UNC79: variants seen among roughly 807,000 people sequenced by gnomAD.
UNC79 encodes the protein unc-79 subunit of NALCN channel complex, also known as protein unc-79 homolog.
Under a neutral mutation model 283.1 loss-of-function variants are expected in UNC79, and 37 were observed. That is an observed-to-expected ratio of 0.13 (90% CI 0.10 to 0.17). UNC79 has a LOEUF of 0.17. UNC79 is among the 10% of genes least tolerant of loss of function. The pLI is 1.00. For missense variants in UNC79, 2,272 were observed against 3,211.1 expected (o/e 0.71, Z 7.07); for synonymous variants, 1,107 against 1,200.2 (o/e 0.92, Z 1.61).
Position 93,701,992 on chromosome 14 carries a change from A to G in UNC79, c.7549-2633A>G, listed in dbSNP as rs571810141. 2.6e-5 allele frequency among the ~76,000 whole-genome samples: 4 copies of G among 152,258 alleles called. No individual in the cohort carries two copies. In the South Asian group the frequency reaches 6.2e-4, roughly 24 times the overall value. ...CCCTACTCTTCTCAAGTCCCTCACA[A>G]TTCTTAACAGGAGGTTAGTTTGGGT... On this transcript the variant is annotated intron_variant, in intron 47 of 48. Coordinates refer to ENST00000555664, the Ensembl canonical transcript of UNC79.
intron 7 of UNC79, among the ~76,000 whole-genome samples, chr14:93,515,035 T>TG (rs1406302166): frequency 6.6e-6 from 1 of 152,180 alleles, no homozygotes; most frequent in African/African-American, 2.4e-5. Flanking sequence ...TTTATGCATA[T>TG]TTTTTGTATT....
intron 32 of UNC79, among the ~76,000 whole-genome samples, chr14:93,639,061 T>G (rs1013023349): frequency 3.3e-5 from 5 of 152,218 alleles, no homozygotes; most frequent in African/African-American, 1.2e-4. Flanking sequence ...TCTTGGCATT[T>G]GTATTAGGCA....
At chr14:93,429,728 C>T (rs980468841), upstream of UNC79, among the ~76,000 whole-genome samples, 1 of 92,476 alleles carries the variant, frequency 1.1e-5, no homozygotes, top group Admixed American at 1.2e-4. Flanking sequence ...ACTAAATTAA[C>T]CTGCTATGAC....
intron 1 of UNC79, among the ~76,000 whole-genome samples, chr14:93,368,605 G>A (rs1047840468): frequency 6.6e-6 from 1 of 151,974 alleles, no homozygotes; most frequent in Admixed American, 6.6e-5. Context: ...TGAGTAACTG[G>A]GATTACAGGT....
intron 7 of UNC79, among the ~76,000 whole-genome samples, chr14:93,515,187 C>G (rs1225891396): frequency 1.3e-5 from 2 of 151,746 alleles, no homozygotes; most frequent in African/African-American, 4.8e-5. Context: ...AGTTTTGTAG[C>G]CTTTGACCAA....
intron 38 of UNC79, among the ~76,000 whole-genome samples, chr14:93,656,645 C>T (rs2070969058): frequency 6.6e-6 from 1 of 151,664 alleles, no homozygotes; most frequent in African/African-American, 2.4e-5. Flanking sequence ...CAGAGAGAGA[C>T]TCTGTCTCAA....
At chr14:93,665,950 A>G (rs1285553350) in intron 40 of UNC79, among the ~76,000 whole-genome samples, 1 of 152,120 alleles carries the variant, frequency 6.6e-6, no homozygotes, top group Non-Finnish European at 1.5e-5. Context: ...CAGTGTGAAA[A>G]TCTAAGTGAC....
chr14:93,586,336 A>G (rs1026224143), intron 20 of UNC79, among the ~76,000 whole-genome samples: 2 of 152,234 alleles, frequency 1.3e-5, no homozygotes, highest in Non-Finnish European at 2.9e-5. Flanking sequence ...GGTTAGCTCC[A>G]GGGAGCCAAA....
At chr14:93,659,318 T>C (rs1450211114) in intron 39 of UNC79, 57 bp downstream of exon 42, 11 of 1,388,000 alleles carry the variant, frequency 7.9e-6, no homozygotes, top group Non-Finnish European at 1.1e-5. Context: ...TTTAACCTAA[T>C]GAGATAGGCT....
At chr14:93,561,502 G>A (rs769402055) in intron 14 of UNC79, among the ~76,000 whole-genome samples, 8 of 152,000 alleles carry the variant, frequency 5.3e-5, no homozygotes, top group African/African-American at 9.7e-5. Context: ...TATATAAGAC[G>A]GGGGCAGCTG....
At chr14:93,375,974 G>A (rs898795755) in intron 1 of UNC79, among the ~76,000 whole-genome samples, 1 of 152,110 alleles carries the variant, frequency 6.6e-6, no homozygotes. Context: ...CCTTCACCAC[G>A]TGATTCCCTG....
At chr14:93,497,618 C>A (rs1489987050) in intron 7 of UNC79, among the ~76,000 whole-genome samples, 1 of 152,134 alleles carries the variant, frequency 6.6e-6, no homozygotes, top group Non-Finnish European at 1.5e-5. Flanking sequence ...TAGCAGAAAC[C>A]CCAACTAGCA....
chr14:93,498,680 A>T (rs979950820), intron 7 of UNC79, among the ~76,000 whole-genome samples: 15 of 152,260 alleles, frequency 9.9e-5, no homozygotes, highest in Admixed American at 9.2e-4. Context: ...ATGAGAAAAG[A>T]ACATTAACTT....
chr14:93,342,791 C>T (rs1488181144), intron 1 of UNC79, among the ~76,000 whole-genome samples: 1 of 152,202 alleles, frequency 6.6e-6, no homozygotes, highest in Non-Finnish European at 1.5e-5. Context: ...CTGCCAGATA[C>T]CCTAAGTAAT....
intron 1 of UNC79, among the ~76,000 whole-genome samples, chr14:93,384,537 A>C (rs146011257): frequency 6.6e-6 from 1 of 152,164 alleles, no homozygotes; most frequent in African/African-American, 2.4e-5. Context: ...TGCCCATTTT[A>C]AATTGGATTA....
At chr14:93,651,673 T>C (rs990898266) in intron 35 of UNC79, among the ~76,000 whole-genome samples, 3 of 151,408 alleles carry the variant, frequency 2.0e-5, no homozygotes, top group African/African-American at 7.3e-5. Flanking sequence ...GATTTGATTT[T>C]GTATGGAAAA....
intron 1 of UNC79, among the ~76,000 whole-genome samples, chr14:93,390,059 A>AT (rs2054854894): frequency 1.3e-5 from 2 of 152,374 alleles, no homozygotes; most frequent in Admixed American, 6.5e-5. Context: ...AAGATAAAAA[A>AT]TTCTGAACAA....
intron 1 of UNC79, among the ~76,000 whole-genome samples, chr14:93,367,706 C>T (rs1191379667): frequency 6.6e-6 from 1 of 152,048 alleles, no homozygotes; most frequent in African/African-American, 2.4e-5. Context: ...GTGTTGACTC[C>T]CTGTGTTAGT....
chr14:93,631,782 G>GCATT (rs1262724850), intron 31 of UNC79, among the ~76,000 whole-genome samples: 2 of 152,188 alleles, frequency 1.3e-5, no homozygotes, highest in Non-Finnish European at 2.9e-5. Context: ...ATTCATTCAT[G>GCATT]CATTCATTCA....
Sources: allele counts gnomAD v4.1 joint callset (sites outside exome capture counted in the v4.1 genomes callset), GRCh38; gene constraint gnomAD v4.1.1; transcripts MANE v1.5; gene names NCBI Gene and HGNC (gene_info 2026-07-23, HGNC 2026-07-21).